The following ALK variants were observed in gnomAD, a reference collection of about 807,000 sequenced individuals.
ALK encodes ALK receptor tyrosine kinase.
ALK carries 74 observed loss-of-function variants against 163.1 expected under a neutral mutation model. The observed-to-expected ratio is 0.45, with a 90% CI of 0.38 to 0.55. The LOEUF is 0.55. Ranked by LOEUF, ALK falls within the 20% of genes least tolerant of loss-of-function variation. The pLI is 0.00. For synonymous variants in ALK, 960 were observed against 843.2 expected (o/e 1.14, Z -2.40); for missense variants, 2,063 against 2,105.3 (o/e 0.98, Z 0.39).
At position 29,771,261 on chromosome 2, in the gene ALK, CAA is replaced by C. The variant is rs538672910; in HGVS notation, c.668-53566_668-53565del. On this transcript the variant is annotated intron_variant, in intron 1 of 28. Transcript: ENST00000389048. ...ACAATTCAAAAAAATGTCCCTAAACCAAAAGACTTGAATTTCTAGATTAAAGG... is the reference window on the plus strand; with the variant it reads ...ACAATTCAAAAAAATGTCCCTAAACCAAGACTTGAATTTCTAGATTAAAGG... Among the ~76,000 whole-genome samples the C allele has an allele frequency of 2.1e-3, 321 of 152,094 alleles. 1 individual carries two copies. Among genetic ancestry groups the C allele is most frequent in the African/African-American group, 7.4e-3 (308 of 41,502 alleles).
chr2:29,919,877 G>T, intron 1 of ALK, 116 bp downstream of exon 1: 1 of 1,285,454 alleles, frequency 7.8e-7, no homozygotes, highest in Non-Finnish European at 1.1e-6. Context: ...GAAGGAGGGC[G>T]ATGAAGCAGA....
At chr2:29,876,667 A>ATGG (rs1666725155) in intron 1 of ALK, among the ~76,000 whole-genome samples, 2 of 140,380 alleles carry the variant, frequency 1.4e-5, no homozygotes, top group African/African-American at 2.7e-5. Context: ...GATGGTGGTG[A>ATGG]TGATGGTAAC....
rs1197092092 is a variant in ALK, at chr2:29,654,374, T to C, written c.952+40476A>G. On this transcript the variant is annotated intron_variant, in intron 3 of 28. Coordinates refer to ENST00000389048, the MANE Select transcript of ALK (RefSeq NM_004304.5). ...TCATGCTCCAGATGACCTCCTTTTG[T>C]TCTAGGGAGAGTTATACAAACAGTC... Among the ~76,000 whole-genome samples the C allele has an allele frequency of 2.0e-5, 3 of 150,534 alleles. No homozygotes were observed. In the East Asian group the frequency reaches 5.8e-4, roughly 29 times the overall value.
chr2:29,600,152 C>T (rs1020329454), intron 3 of ALK, among the ~76,000 whole-genome samples: 1 of 152,122 alleles, frequency 6.6e-6, no homozygotes, highest in African/African-American at 2.4e-5. Flanking sequence ...TAAGACCCCC[C>T]AAGACTGTTT....
intron 4 of ALK, among the ~76,000 whole-genome samples, chr2:29,431,424 T>C (rs115009640): frequency 6.6e-6 from 1 of 152,192 alleles, no homozygotes; most frequent in Admixed American, 6.5e-5. Flanking sequence ...ATTCGAATTT[T>C]AGCTAAAATT....
chr2:29,450,702 C>G (rs1670798405), intron 4 of ALK, among the ~76,000 whole-genome samples: 1 of 152,080 alleles, frequency 6.6e-6, no homozygotes, highest in South Asian at 2.1e-4. Context: ...GAGAAAAAGG[C>G]ATAATGAGAG....
chr2:29,376,839 G>T (rs918581756), intron 5 of ALK, among the ~76,000 whole-genome samples: 2 of 152,220 alleles, frequency 1.3e-5, no homozygotes, highest in African/African-American at 4.8e-5. Flanking sequence ...GAATCTATTT[G>T]TTCAGCTTCT....
chr2:29,386,926 CA>C (rs1669045311), intron 4 of ALK, among the ~76,000 whole-genome samples: 1 of 152,354 alleles, frequency 6.6e-6, no homozygotes, highest in African/African-American at 2.4e-5. Flanking sequence ...TCTTTGCTTA[CA>C]CCCAAGTGGT....
chr2:29,626,182 G>A (rs1558414720), intron 3 of ALK, among the ~76,000 whole-genome samples: 1 of 152,164 alleles, frequency 6.6e-6, no homozygotes, highest in Non-Finnish European at 1.5e-5. Context: ...ACCCTTGGGA[G>A]GTAATTAGAT....
chr2:29,765,476 T>C (rs1404452810), intron 1 of ALK, among the ~76,000 whole-genome samples: 2 of 152,076 alleles, frequency 1.3e-5, no homozygotes, highest in African/African-American at 2.4e-5. Context: ...TTTTTCTTTT[T>C]ATTTATTTTT....
At chr2:29,768,326 G>T (rs533258743) in intron 1 of ALK, among the ~76,000 whole-genome samples, 1 of 152,344 alleles carries the variant, frequency 6.6e-6, no homozygotes, top group East Asian at 1.9e-4. Flanking sequence ...ACTTCAGGGA[G>T]AGCTGATGGC....
chr2:29,356,451 A>G (rs571135823), intron 5 of ALK, among the ~76,000 whole-genome samples: 1 of 110,634 alleles, frequency 9.0e-6, no homozygotes, highest in South Asian at 3.4e-4. Context: ...TCTCCACATC[A>G]GATTTAATTT....
At chr2:29,575,091 T>C (rs550377279) in intron 3 of ALK, among the ~76,000 whole-genome samples, 1 of 152,264 alleles carries the variant, frequency 6.6e-6, no homozygotes, top group South Asian at 2.1e-4. Context: ...CTCAACGTTG[T>C]ATGCTGATGA....
At position 29,568,411 on chromosome 2, in the gene ALK, C is replaced by A. The variant is rs879242633; in HGVS notation, c.953-36295G>T. On this transcript the variant is annotated intron_variant, in intron 3 of 28. Coordinates refer to ENST00000389048, the MANE Select transcript of ALK (RefSeq NM_004304.5). ...GTAGTGGCTACAACAAGTGTCACTG[C>A]CGAAATCTAGCTAGGGAACTGACAA... Among the ~76,000 whole-genome samples, 3 of 152,148 alleles carry A rather than the reference C, an allele frequency of 2.0e-5. No individual in the cohort carries two copies. The South Asian group carries it at 6.2e-4, about 32-fold the overall frequency.
intron 8 of ALK, among the ~76,000 whole-genome samples, chr2:29,307,843 G>A (rs1392954688): frequency 6.6e-6 from 1 of 152,170 alleles, no homozygotes; most frequent in African/African-American, 2.4e-5. Flanking sequence ...AGAAATGCTG[G>A]ATTCCTGGTC....
chr2:29,579,015 A>T (rs890250024), intron 3 of ALK, among the ~76,000 whole-genome samples: 1 of 152,140 alleles, frequency 6.6e-6, no homozygotes, highest in Non-Finnish European at 1.5e-5. Context: ...GAGAATGCAC[A>T]CTCTTGAAGA....
intron 11 of ALK, among the ~76,000 whole-genome samples, chr2:29,264,968 A>ACATG (rs1245779843): frequency 2.6e-5 from 4 of 151,996 alleles, no homozygotes; most frequent in Non-Finnish European, 5.9e-5. Context: ...CCACACTCAT[A>ACATG]CATGCATGCA....
intron 1 of ALK, among the ~76,000 whole-genome samples, chr2:29,738,961 G>A (rs1410719047): frequency 2.0e-5 from 3 of 152,022 alleles, no homozygotes; most frequent in Non-Finnish European, 1.5e-5. Context: ...TATTGGCTAG[G>A]CACAGTGGCT....
intron 4 of ALK, among the ~76,000 whole-genome samples, chr2:29,497,749 T>C (rs1461368682): frequency 1.3e-5 from 2 of 152,182 alleles, no homozygotes; most frequent in Non-Finnish European, 2.9e-5. Flanking sequence ...AATCATATTG[T>C]TTCGGTCATG....
Sources: allele counts gnomAD v4.1 joint callset (sites outside exome capture counted in the v4.1 genomes callset), GRCh38; gene constraint gnomAD v4.1.1; transcripts MANE v1.5; gene names NCBI Gene and HGNC (gene_info 2026-07-23, HGNC 2026-07-21).